The following ZC3H7A variants were observed in gnomAD, a reference collection of about 807,000 sequenced individuals.
The protein encoded by ZC3H7A is zinc finger CCCH-type containing 7A.
A neutral mutation model predicts 125.5 loss-of-function variants in ZC3H7A; 44 were observed. That is an observed-to-expected ratio of 0.35 (90% CI 0.28 to 0.45). ZC3H7A has a LOEUF of 0.45. ZC3H7A is among the 20% of genes least tolerant of loss of function. The pLI, the probability that ZC3H7A is intolerant of heterozygous loss-of-function variation, is 1.00. For missense variants in ZC3H7A, 977 were observed against 1,170.7 expected (o/e 0.83, Z 2.41); for synonymous variants, 399 against 391.2 (o/e 1.02, Z -0.23).
chr16:11,754,148 C>T (rs2052596828), intron 21 of ZC3H7A, among the ~76,000 whole-genome samples: 1 of 151,424 alleles, frequency 6.6e-6, no homozygotes, highest in Middle Eastern at 3.4e-3. Flanking sequence ...AAAAATTAGC[C>T]AGGCATGGTG....
chr16:11,794,463 TA>T (rs1244650299), intron 1 of ZC3H7A, among the ~76,000 whole-genome samples: 2 of 152,212 alleles, frequency 1.3e-5, no homozygotes, highest in Non-Finnish European at 2.9e-5. Flanking sequence ...AAAAATTATC[TA>T]AAATTTCTTC....
chr16:11,792,537 G>A (rs2141223486), intron 1 of ZC3H7A, among the ~76,000 whole-genome samples: 1 of 152,332 alleles, frequency 6.6e-6, no homozygotes, highest in African/African-American at 2.4e-5. Flanking sequence ...AGACATCAAG[G>A]TAAGGGAAAT....
rs371491825 is a variant in ZC3H7A, at chr16:11,760,363, CA to C, written c.2319+1042del. 6.2e-3 allele frequency among the ~76,000 whole-genome samples: 940 copies of C among 152,206 alleles called. 11 individuals carry two copies. Among genetic ancestry groups the C allele is most frequent in the African/African-American group, 0.022 (906 of 41,514 alleles). ...CATCATCCTTTAAACCACAGGAAAT[CA>C]AGGTTCCAAATAAACCCCTTTCCCC... On this transcript the variant is annotated intron_variant, in intron 19 of 22. Transcript: ENST00000355758.
At chr16:11,763,710 AATATATATATAT>A (rs55932357) in intron 15 of ZC3H7A, 51 bp from the exon 16 acceptor site, 178 of 229,012 alleles carry the variant, frequency 7.8e-4, no homozygotes, top group African/African-American at 9.4e-4. Context: ...AGATTTTTCA[AATATATATATAT>A]ATATATATAT....
chr16:11,793,367 A>T (rs1290592332), intron 1 of ZC3H7A, among the ~76,000 whole-genome samples: 2 of 152,078 alleles, frequency 1.3e-5, no homozygotes, highest in Non-Finnish European at 2.9e-5. Flanking sequence ...CCCCATCTCT[A>T]TAAAAATGTT....
In ZC3H7A at chr16:11,757,773, C is replaced by A. The variant is rs540893614; in HGVS notation, c.2428+658G>T. Among the ~76,000 whole-genome samples the A allele has an allele frequency of 3.9e-4, 59 of 152,288 alleles. 1 individual carries two copies. Among genetic ancestry groups the A allele is most frequent in the African/African-American group, 1.4e-3 (58 of 41,552 alleles). Reference sequence around the variant, plus strand: ...GCTAGAGGGAATCCCGTCCACACACCACTGACGATCTATGTGGTTGAAACA... The same window carrying A: ...GCTAGAGGGAATCCCGTCCACACACAACTGACGATCTATGTGGTTGAAACA... On this transcript the variant is annotated intron_variant, in intron 20 of 22. Transcript: ENST00000355758.
chr16:11,751,025 T>C lies in ZC3H7A; in HGVS notation c.*292A>G, dbSNP rs1209983133. 4.4e-6 allele frequency: 1 copy of C among 227,134 alleles called. No individual in the cohort carries two copies. 14.1% of individuals were successfully genotyped at this position (227,134 alleles called of 1,614,324 possible). On this transcript the variant is annotated 3_prime_UTR_variant, in exon 23 of 23. Transcript: ENST00000355758. ...TTATATGAAGGACCAACTCAAAGAGTTGTCCTAGATATAACCTTATCCTCT... is the reference window on the plus strand; with the variant it reads ...TTATATGAAGGACCAACTCAAAGAGCTGTCCTAGATATAACCTTATCCTCT...
intron 6 of ZC3H7A, 21 bp downstream of exon 6, chr16:11,776,431 A>C (rs1371946395): frequency 6.2e-7 from 1 of 1,605,712 alleles, no homozygotes. Flanking sequence ...AAAACACCTT[A>C]TGCAGAGAAC....
At chr16:11,766,081 T>C (rs1045721930) in intron 13 of ZC3H7A, among the ~76,000 whole-genome samples, 1 of 151,112 alleles carries the variant, frequency 6.6e-6, no homozygotes, top group Non-Finnish European at 1.5e-5. Flanking sequence ...GATTCTCTCA[T>C]GGACCACACC....
At position 11,774,974 on chromosome 16, in the gene ZC3H7A, A is replaced by G. The variant is rs779079706; in HGVS notation, c.619+6T>C. The G allele has an allele frequency of 1.9e-6, 3 of 1,614,154 alleles. No homozygotes were observed. In the Admixed American group the frequency reaches 5.0e-5, roughly 27 times the overall value. ...CAAATTGTTAAGATGATATGTGAAA[A>G]CATACCTGGCTCAATATCTTCCACA... On this transcript the variant is annotated splice_donor_region_variant and intron_variant, in intron 8 of 22. Transcript: ENST00000355758.
At chr16:11,786,695 CAG>C (rs1386841281) in intron 1 of ZC3H7A, among the ~76,000 whole-genome samples, 1 of 152,134 alleles carries the variant, frequency 6.6e-6, no homozygotes, top group African/African-American at 2.4e-5. Context: ...TATAATATGA[CAG>C]AGTATTTCAT....
intron 21 of ZC3H7A, among the ~76,000 whole-genome samples, chr16:11,755,433 A>G (rs937543458): frequency 2.0e-5 from 3 of 152,128 alleles, no homozygotes; most frequent in African/African-American, 7.2e-5. Flanking sequence ...CACTTTTTTG[A>G]AATTTTTAAA....
intron 1 of ZC3H7A, 102 bp from the exon 2 acceptor site, chr16:11,782,490 C>T (rs2053188461): frequency 2.1e-6 from 2 of 952,876 alleles, no homozygotes; most frequent in African/African-American, 3.3e-5. Context: ...CAGCTGTGGA[C>T]ACATCCATTT....
rs1216619750 is a variant in ZC3H7A at position 11,762,730 on chromosome 16, T to C, written c.2020A>G (p.Ile674Val). Residue 674 changes from isoleucine (I) to valine (V), a missense_variant, in exon 17 of 23, where the codon ATT (isoleucine) becomes GTT (valine). Ile to Val is a conservative substitution (Grantham distance 29). This residue lies in a region of ZC3H7A where 436 missense variants were observed against 603.2 expected (regional missense o/e 0.72). Transcript: ENST00000355758. The part of the protein sequence containing the change: ...QNETGISHDA[I>V]AQESKRYWQN... ...CAATATCGTTTAGACTCTTGAGCAA[T>C]AGCATCATGTGAGATACCTGGGGAA... is the stretch of plus-strand genomic sequence containing the variant. 5.6e-6 allele frequency: 9 copies of C among 1,613,880 alleles called. No homozygotes were observed. Among genetic ancestry groups the C allele is most frequent in the East Asian group, 2.2e-5 (1 of 44,876 alleles).
intron 10 of ZC3H7A, among the ~76,000 whole-genome samples, chr16:11,769,784 C>A (rs955226494): frequency 1.6e-5 from 1 of 61,616 alleles, no homozygotes; most frequent in Non-Finnish European, 2.6e-5. Context: ...CAATTGCTTT[C>A]TTTTTTTTTT....
At chr16:11,761,283 T>TAA (rs2052747958) in intron 19 of ZC3H7A, 123 bp downstream of exon 19, 1 of 922,546 alleles carries the variant, frequency 1.1e-6, no homozygotes, top group Non-Finnish European at 1.7e-6. Flanking sequence ...AGGAACCATT[T>TAA]AAATAGCATT....
rs1223034314 is a variant in ZC3H7A at position 11,758,645 on chromosome 16, T to C, written c.2320-106A>G. ...CATTATTATCCATGCTAATACTTAG[T>C]AATCAAATTCTAAAGTAAGATTAAT... On this transcript the variant is annotated intron_variant, in intron 19 of 22. Coordinates refer to ENST00000355758, the MANE Select transcript of ZC3H7A (RefSeq NM_014153.4). The C allele has an allele frequency of 2.9e-5, 20 of 698,834 alleles. No homozygotes were observed. The East Asian group carries it at 5.5e-4, about 19-fold the overall frequency. 43.3% of individuals were successfully genotyped at this position (698,834 alleles called of 1,614,324 possible). A position where few individuals can be genotyped will look rare whatever the true frequency, so the allele number is the denominator to read the frequency against.
chr16:11,780,098 C>T (rs755376665), intron 3 of ZC3H7A, among the ~76,000 whole-genome samples: 5 of 150,940 alleles, frequency 3.3e-5, no homozygotes, highest in Admixed American at 1.3e-4. Context: ...ATTTCTATCA[C>T]GCTTTAGTTT....
chr16:11,771,079 A>G (rs2052972312), intron 9 of ZC3H7A, 92 bp from the exon 10 acceptor site: 1 of 1,224,338 alleles, frequency 8.2e-7, no homozygotes, highest in African/African-American at 1.5e-5. Context: ...AAGCATTATT[A>G]CACTGGGAGA....
Sources: gnomAD v4.1 joint callset for allele counts (sites outside exome capture counted in the v4.1 genomes callset) on GRCh38, gnomAD v4.1.1 for gene constraint, gnomAD v4.1.1 regional missense constraint, MANE v1.5 for transcripts, NCBI Gene and HGNC (gene_info 2026-07-23, HGNC 2026-07-21) for gene names.